Variants in TET3 observed in about 807,000 individuals in gnomAD.
The protein encoded by TET3 is tet methylcytosine dioxygenase 3.
In TET3, 19 loss-of-function variants were observed where a neutral mutation model predicts 141.4. The observed-to-expected ratio is 0.13, with a 90% CI of 0.09 to 0.20. The LOEUF is 0.20. Among genes scored for constraint, TET3 ranks in the 10% least tolerant of loss-of-function variants. TET3 has a pLI of 1.00. For missense variants in TET3, 1,874 were observed against 2,356.9 expected, an observed-to-expected ratio of 0.80 and a Z score of 4.24; for synonymous variants, 1,043 against 980.9, an observed-to-expected ratio of 1.06 and a Z score of -1.18.
chr2:74,117,447 C>G, the TET3 span, among the ~76,000 whole-genome samples: 1 of 152,152 alleles, frequency 6.6e-6, no homozygotes, highest in East Asian at 1.9e-4. Context: ...GATCTTGACT[C>G]ACTGCAGCCT....
At chr2:74,086,209 G>A (rs1690151987) in intron 6 of TET3, among the ~76,000 whole-genome samples, 1 of 152,098 alleles carries the variant, frequency 6.6e-6, no homozygotes, top group South Asian at 2.1e-4. Context: ...TCTGGTCATG[G>A]AATTATCTGG....
In TET3 at chr2:74,047,719, C is replaced by T. The variant is rs1028247262; in HGVS notation, c.1802C>T (p.Pro601Leu). 8.1e-6 allele frequency: 13 copies of T among 1,613,482 alleles called. No individual in the cohort carries two copies. Among genetic ancestry groups the T allele is most frequent in the African/African-American group, 1.3e-5 (1 of 74,918 alleles). The change falls in exon 4 of 12, where the codon CCC becomes CTC. Residue 601 changes from proline (P) to leucine (L), a missense_variant. By Grantham distance (98) the Pro-to-Leu change is moderately conservative. This residue lies in a region of TET3 where 484 missense variants were observed against 462.2 expected (regional missense o/e 1.05). Transcript: ENST00000409262. The stretch of plus-strand genomic sequence containing the variant: ...GAGAAAGCTGCCCCTGGGATCAAGC[C>T]CAGTGTCCGAAAGCCCATTCAGATC... ...GTEKAAPGIK[P>L]SVRKPIQIKK...
At chr2:74,036,037 C>A (rs1687038339) in intron 3 of TET3, among the ~76,000 whole-genome samples, 1 of 152,170 alleles carries the variant, frequency 6.6e-6, no homozygotes, top group South Asian at 2.1e-4. Context: ...TCTTGCTAAA[C>A]CCCGTCGGCA....
Position 74,099,662 on chromosome 2 carries a change from T to TG in TET3, c.3604+55dup, listed in dbSNP as rs759574284. 2.2e-5 allele frequency: 32 copies of TG among 1,474,908 alleles called. No homozygotes were observed. In the Middle Eastern group the frequency reaches 7.9e-4, roughly 36 times the overall value. The allele number at this position is 1,474,908 out of a possible 1,614,324, so 91.4% of individuals were successfully genotyped here. ...TGGAGTCACAATGGCACTGTCCTCA[T>TG]GGGGGCCCCTGCTCTTCCACGCACC... On this transcript the variant is annotated intron_variant, in intron 11 of 11. Transcript: ENST00000409262.
chr2:74,132,888 TC>T, the TET3 span, among the ~76,000 whole-genome samples: 4 of 151,954 alleles, frequency 2.6e-5, no homozygotes, highest in African/African-American at 9.7e-5. Context: ...CTTTTTCTTT[TC>T]TTTTTTTTTG....
At chr2:74,007,269 C>G (rs991983006) in intron 3 of TET3, among the ~76,000 whole-genome samples, 12 of 152,166 alleles carry the variant, frequency 7.9e-5, no homozygotes, top group African/African-American at 2.9e-4. Flanking sequence ...CAGATGCACC[C>G]AGCACTTTAC....
At chr2:74,125,852 G>A in the TET3 span, among the ~76,000 whole-genome samples, 1 of 152,042 alleles carries the variant, frequency 6.6e-6, no homozygotes, top group East Asian at 1.9e-4. Flanking sequence ...ATACTTTGTA[G>A]CTCAGTAAAT....
chr2:74,125,364 G>A, the TET3 span, among the ~76,000 whole-genome samples: 45 of 152,300 alleles, frequency 3.0e-4, no homozygotes, highest in African/African-American at 1.1e-3. Context: ...CTGGCTGGAT[G>A]GATAACACCA....
rs1331328219 is a variant in TET3, at chr2:73,986,614, G to A, written c.211G>A (p.Ala71Thr). 1.6e-6 allele frequency: 2 copies of A among 1,232,042 alleles called. No homozygotes were observed. The highest frequency in any genetic ancestry group is 1.0e-6 in the Non-Finnish European group (1 of 988,002). 76.3% of individuals were successfully genotyped at this position (1,232,042 alleles called of 1,614,324 possible). A position where few individuals can be genotyped will look rare whatever the true frequency, so the allele number is the denominator to read the frequency against. The change falls in exon 2 of 12, where the codon GCT becomes ACT. Residue 71 changes from alanine to threonine, a missense_variant. Around this residue, in one of 10 missense-constraint regions of TET3, gnomAD observed 366 missense variants for 487.0 expected, o/e 0.75. Coordinates refer to ENST00000409262, the MANE Select transcript of TET3 (RefSeq NM_001287491.2). Reference sequence around the variant, plus strand: ...CTGCCGGCGGCTGGAAAACTGTGGCGCTTGCACTAGCTGTACCAACCGCCG... The same window carrying A: ...CTGCCGGCGGCTGGAAAACTGTGGCACTTGCACTAGCTGTACCAACCGCCG... ...EPCRRLENCGACTSCTNRRTH... is the reference protein window; with the variant it reads ...EPCRRLENCGTCTSCTNRRTH...
chr2:74,053,141 G>T (rs904770143), intron 4 of TET3, among the ~76,000 whole-genome samples: 9 of 152,156 alleles, frequency 5.9e-5, no homozygotes, highest in Admixed American at 6.5e-5. Flanking sequence ...AAGATAATAT[G>T]ATGTTTGCAG....
Position 74,101,689 on chromosome 2 carries a change from A to G in TET3, c.4901A>G (p.Glu1634Gly), listed in dbSNP as rs759441730. Residue 1634 changes from glutamate (E) to glycine (G), a missense_variant, in exon 12 of 12, where the codon GAA (glutamate) becomes GGA (glycine). Physicochemically the swap from Glu to Gly is moderately conservative, Grantham distance 98. Coordinates refer to ENST00000409262, the MANE Select transcript of TET3 (RefSeq NM_001287491.2). The surrounding 1 kb of genome is among the most constrained non-coding windows in gnomAD (Gnocchi z 8.5). Reference sequence around the variant, plus strand: ...AAGGGCGGTGGTGGTGCGGAGGAGGAAGAGGAGGAGCTGTGGTCGGACAGT... The same window carrying G: ...AAGGGCGGTGGTGGTGCGGAGGAGGGAGAGGAGGAGCTGTGGTCGGACAGT... Reference protein sequence around the residue: ...EEKGGGGAEEEEEELWSDSEH... With the variant: ...EEKGGGGAEEGEEELWSDSEH... The G allele has an allele frequency of 1.3e-5, 21 of 1,613,478 alleles. No homozygotes were observed. Among genetic ancestry groups the G allele is most frequent in the Non-Finnish European group, 1.7e-5 (20 of 1,179,860 alleles).
At chr2:74,026,062 T>C (rs1277441368) in intron 3 of TET3, among the ~76,000 whole-genome samples, 3 of 152,102 alleles carry the variant, frequency 2.0e-5, no homozygotes, top group African/African-American at 7.2e-5. Flanking sequence ...GGCAGAGAGG[T>C]GGGGCAGGGC....
At chr2:74,114,866 A>AAAAAAAAG in the TET3 span, among the ~76,000 whole-genome samples, 1 of 148,960 alleles carries the variant, frequency 6.7e-6, no homozygotes, top group Non-Finnish European at 1.5e-5. Context: ...AAAAAAAAAA[A>AAAAAAAAG]AAAAAAAAGA....
chr2:74,013,114 C>G (rs1685550058), intron 3 of TET3, among the ~76,000 whole-genome samples: 1 of 151,862 alleles, frequency 6.6e-6, no homozygotes, highest in African/African-American at 2.4e-5. Flanking sequence ...CCCATCTCAG[C>G]CTCCCGAGTA....
chr2:74,080,495 C>A lies in TET3; in HGVS notation c.2586-3C>A. The stretch of plus-strand genomic sequence containing the variant: ...TAATGGTGGCTTCTGTCTCCCTCTT[C>A]AGGTATGGAGAGAAGGGGAAAGCCA... On this transcript the variant is annotated splice_region_variant and splice_polypyrimidine_tract_variant and intron_variant, in intron 5 of 11. Coordinates refer to ENST00000409262, the MANE Select transcript of TET3 (RefSeq NM_001287491.2). 2 of 1,612,592 alleles carry A rather than the reference C, an allele frequency of 1.2e-6. No homozygotes were observed. The highest frequency in any genetic ancestry group is 1.7e-6 in the Non-Finnish European group (2 of 1,179,342).
intron 3 of TET3, among the ~76,000 whole-genome samples, chr2:74,035,131 G>A (rs1004039982): frequency 7.3e-5 from 11 of 150,416 alleles, no homozygotes; most frequent in African/African-American, 2.7e-4. Context: ...GAACCTGGGA[G>A]GCGGAGCTTG....
At chr2:74,079,286 C>T (rs967398837) in intron 5 of TET3, among the ~76,000 whole-genome samples, 1 of 152,040 alleles carries the variant, frequency 6.6e-6, no homozygotes, top group Non-Finnish European at 1.5e-5. Flanking sequence ...GCGGAGGTTG[C>T]AATGAGCCGA....
chr2:74,080,479 C>A lies in TET3; in HGVS notation c.2586-19C>A, dbSNP rs775236695. Reference sequence around the variant, plus strand: ...TGGGGTTCTGCTGTGCTAATGGTGGCTTCTGTCTCCCTCTTCAGGTATGGA... The same window carrying A: ...TGGGGTTCTGCTGTGCTAATGGTGGATTCTGTCTCCCTCTTCAGGTATGGA... On this transcript the variant is annotated intron_variant, in intron 5 of 11. Coordinates refer to ENST00000409262, the MANE Select transcript of TET3 (RefSeq NM_001287491.2). 6.2e-7 allele frequency: 1 copy of A among 1,607,234 alleles called. No individual in the cohort carries two copies.
chr2:74,036,746 G>C (rs781039346), intron 3 of TET3, among the ~76,000 whole-genome samples: 1 of 152,204 alleles, frequency 6.6e-6, no homozygotes, highest in African/African-American at 2.4e-5. Context: ...TCAGAGTCAC[G>C]TAGAGACTTT....
Sources: gnomAD v4.1 joint callset for allele counts (sites outside exome capture counted in the v4.1 genomes callset) on GRCh38, gnomAD v4.1.1 for gene constraint, gnomAD v4.1.1 regional missense constraint, Gnocchi (gnomAD v3.1) non-coding constraint, MANE v1.5 for transcripts, NCBI Gene and HGNC (gene_info 2026-07-23, HGNC 2026-07-21) for gene names.